EPS15L1: variants seen among roughly 807,000 people sequenced by gnomAD.
EPS15L1 encodes the protein epidermal growth factor receptor substrate 15-like 1.
In EPS15L1, 43 loss-of-function variants were observed where a neutral mutation model predicts 117.1. The observed-to-expected ratio is 0.37, with a 90% CI of 0.29 to 0.47. EPS15L1 has a LOEUF of 0.47. EPS15L1 is among the 20% of genes least tolerant of loss of function. The pLI, the probability that EPS15L1 is intolerant of heterozygous loss-of-function variation, is 0.99. For synonymous variants in EPS15L1, 459 were observed against 470.5 expected (o/e 0.98, Z 0.32); for missense variants, 981 against 1,164.0 (o/e 0.84, Z 2.29).
chr19:16,466,097 T>C (rs1016584019), intron 1 of EPS15L1, among the ~76,000 whole-genome samples: 6 of 151,034 alleles, frequency 4.0e-5, no homozygotes, highest in African/African-American at 7.3e-5. Context: ...CAAGCAATTC[T>C]CCTGCCTCAG....
chr19:16,394,000 G>A lies in EPS15L1; in HGVS notation c.1917C>T (p.Gly639=), dbSNP rs1400547317. The change falls in exon 18 of 24, where the codon GGC becomes GGT. Residue 639 remains glycine (G), a splice_region_variant and synonymous_variant. Coordinates refer to ENST00000455140, the MANE Select transcript of EPS15L1 (RefSeq NM_001258374.3). ...CAAAGGGGTCATTCTGGAACGGGTC[G>A]CCTGGTTGGAAGAGGAGAGAAATGC... ...DPFKGADPFK[G]DPFQNDPFAE... is the part of the protein sequence containing the mutation. 8.1e-6 allele frequency: 13 copies of A among 1,613,900 alleles called. No individual in the cohort carries two copies. The East Asian group carries it at 8.9e-5, about 11-fold the overall frequency.
At chr19:16,437,167 G>C in intron 5 of EPS15L1, 168 bp from the exon 6 acceptor site, 1 of 598,112 alleles carries the variant, frequency 1.7e-6, no homozygotes. Context: ...CCTACGTATT[G>C]ACCCAAATGA....
chr19:16,437,052 G>A, intron 5 of EPS15L1, 53 bp from the exon 6 acceptor site: 3 of 1,529,104 alleles, frequency 2.0e-6, no homozygotes, highest in Non-Finnish European at 2.7e-6. Context: ...TAAATCATAG[G>A]TGGGTGGGTT....
intron 20 of EPS15L1, among the ~76,000 whole-genome samples, chr19:16,385,617 GGGATTTGCC>G (rs1449477961): frequency 1.3e-5 from 2 of 152,182 alleles, no homozygotes; most frequent in Non-Finnish European, 2.9e-5. Flanking sequence ...TAACCTGGAA[GGGATTTGCC>G]TAGAGTACTG....
intron 9 of EPS15L1, 59 bp downstream of exon 9, chr19:16,425,024 T>C: frequency 7.1e-7 from 1 of 1,407,802 alleles, no homozygotes; most frequent in Non-Finnish European, 1.0e-6. Flanking sequence ...TGTTAAGAAC[T>C]CCCGAGAAAC....
chr19:16,451,243 G>A (rs1195329921), intron 1 of EPS15L1, among the ~76,000 whole-genome samples: 1 of 152,134 alleles, frequency 6.6e-6, no homozygotes, highest in Non-Finnish European at 1.5e-5. Flanking sequence ...GAGCCACCGC[G>A]CCCGCCCAGA....
In EPS15L1 at chr19:16,361,711, A is replaced by G. The variant is rs1247837031; in HGVS notation, c.2586+68T>C. On this transcript the variant is annotated intron_variant, in intron 23 of 23. Coordinates refer to ENST00000455140, the MANE Select transcript of EPS15L1 (RefSeq NM_001258374.3). Reference sequence around the variant, plus strand: ...CTGGGAGGTTTGCCTTTAAAAGGAGACAAAAATCCCAGGGAAGCTGCAAGC... The same window carrying G: ...CTGGGAGGTTTGCCTTTAAAAGGAGGCAAAAATCCCAGGGAAGCTGCAAGC... The G allele has an allele frequency of 2.0e-6, 3 of 1,520,458 alleles. No individual in the cohort carries two copies. In the African/African-American group the frequency reaches 4.2e-5, roughly 21 times the overall value. The allele number at this position is 1,520,458 out of a possible 1,614,324, so 94.2% of individuals were successfully genotyped here. A position where few individuals can be genotyped will look rare whatever the true frequency, so the allele number is the denominator to read the frequency against.
intron 7 of EPS15L1, among the ~76,000 whole-genome samples, chr19:16,430,361 C>T (rs1020241493): frequency 1.2e-4 from 18 of 152,300 alleles, no homozygotes; most frequent in Admixed American, 1.0e-3. Context: ...CTGGACCCTG[C>T]CCCGCCCTGT....
intron 22 of EPS15L1, among the ~76,000 whole-genome samples, chr19:16,362,511 CTTTTTTTTTTT>C (rs71178690): frequency 1.1e-4 from 6 of 56,068 alleles, no homozygotes; most frequent in African/African-American, 2.0e-4. Context: ...GGTTTAAGTT[CTTTTTTTTTTT>C]TTTTTTTTTT....
chr19:16,367,184 G>C (rs542955132), intron 22 of EPS15L1, among the ~76,000 whole-genome samples: 99 of 151,114 alleles, frequency 6.6e-4, no homozygotes, highest in African/African-American at 2.4e-3. Flanking sequence ...CCAGGTGCCA[G>C]GCATCATCCT....
At chr19:16,435,709 G>A (rs1217658431) in intron 6 of EPS15L1, among the ~76,000 whole-genome samples, 1 of 152,032 alleles carries the variant, frequency 6.6e-6, no homozygotes, top group Non-Finnish European at 1.5e-5. Flanking sequence ...AGTGCCTTCA[G>A]AAGCCCAGAA....
chr19:16,375,935 C>T (rs2092289641), intron 22 of EPS15L1, among the ~76,000 whole-genome samples: 1 of 152,158 alleles, frequency 6.6e-6, no homozygotes, highest in African/African-American at 2.4e-5. Flanking sequence ...GGTGCAGGAC[C>T]GAGGGTCACT....
At chr19:16,384,907 G>A (rs1334514805) in intron 21 of EPS15L1, among the ~76,000 whole-genome samples, 9 of 152,200 alleles carry the variant, frequency 5.9e-5, no homozygotes, top group Non-Finnish European at 1.5e-5. Context: ...GGGAGCCAGG[G>A]GAGCCCAGGG....
intron 22 of EPS15L1, among the ~76,000 whole-genome samples, chr19:16,367,516 A>AC (rs1295370918): frequency 3.3e-5 from 5 of 149,432 alleles, no homozygotes; most frequent in East Asian, 3.9e-4. Context: ...AAAAAAAAAA[A>AC]AAAAAAAAAA....
chr19:16,470,496 G>A (rs1295465259), intron 1 of EPS15L1, among the ~76,000 whole-genome samples: 1 of 148,352 alleles, frequency 6.7e-6, no homozygotes, highest in Non-Finnish European at 1.5e-5. Flanking sequence ...CCCGACTCCC[G>A]CCTTCCCCGC....
At position 16,415,642 on chromosome 19, in the gene EPS15L1, G is replaced by A. The variant is rs576107992; in HGVS notation, c.1194-1797C>T. ...TCAGCCCACACTCCCCGAATCAAGG[G>A]CCACTCTCAGAGCCACCTGCTCAAG... is the stretch of plus-strand genomic sequence containing the variant. On this transcript the variant is annotated intron_variant, in intron 12 of 23. Transcript: ENST00000455140. Among the ~76,000 whole-genome samples, 7 of 152,220 alleles carry A rather than the reference G, an allele frequency of 4.6e-5. 1 individual carries two copies. Among genetic ancestry groups the A allele is most frequent in the Non-Finnish European group, 8.8e-5 (6 of 68,032 alleles).
At chr19:16,441,110 A>G in intron 3 of EPS15L1, 1 of 622,038 alleles carries the variant, frequency 1.6e-6, no homozygotes, top group East Asian at 2.7e-5. Flanking sequence ...GGCAGGGCCC[A>G]GAGGACATCC....
At chr19:16,417,805 C>T in intron 11 of EPS15L1, 143 bp downstream of exon 11, 1 of 1,300,406 alleles carries the variant, frequency 7.7e-7, no homozygotes, top group Non-Finnish European at 1.1e-6. Flanking sequence ...AGCCAAGCCA[C>T]CCTCCCGGGG....
intron 18 of EPS15L1, 81 bp downstream of exon 18, chr19:16,393,870 G>T: frequency 7.2e-7 from 1 of 1,383,618 alleles, no homozygotes; most frequent in Non-Finnish European, 1.0e-6. Context: ...GGTGTATGTG[G>T]ACACAAGTCC....
Sources: gnomAD v4.1 joint callset for allele counts (sites outside exome capture counted in the v4.1 genomes callset) on GRCh38, gnomAD v4.1.1 for gene constraint, MANE v1.5 for transcripts, NCBI Gene and HGNC (gene_info 2026-07-23, HGNC 2026-07-21) for gene names.